The following FGGY variants were observed in gnomAD, a reference collection of about 807,000 sequenced individuals.
The protein encoded by FGGY is FGGY carbohydrate kinase domain-containing protein.
A neutral mutation model predicts 71.3 loss-of-function variants in FGGY; 72 were observed. The ratio of observed to expected loss-of-function variants is 1.01; its 90% CI spans 0.84 to 1.23. FGGY has a LOEUF of 1.23. Ranked by LOEUF, FGGY falls within the 50% of genes most tolerant of loss-of-function variation. The pLI is 0.00. For synonymous variants in FGGY, 251 were observed against 250.3 expected (o/e 1.00, Z -0.02); for missense variants, 668 against 682.3 (o/e 0.98, Z 0.23).
intron 10 of FGGY, among the ~76,000 whole-genome samples, chr1:59,634,245 A>T (rs1422546481): frequency 6.6e-6 from 1 of 152,130 alleles, no homozygotes; most frequent in Non-Finnish European, 1.5e-5. Context: ...TCTCTACTAA[A>T]AATACAAAAA....
chr1:59,516,432 ATAG>A (rs1469705787), intron 7 of FGGY, among the ~76,000 whole-genome samples: 4 of 152,344 alleles, frequency 2.6e-5, no homozygotes, highest in African/African-American at 9.6e-5. Context: ...TTGTAGCTTA[ATAG>A]TATAGGTTTG....
intron 7 of FGGY, among the ~76,000 whole-genome samples, chr1:59,518,488 G>C (rs1262396224): frequency 6.6e-6 from 1 of 152,214 alleles, no homozygotes; most frequent in East Asian, 1.9e-4. Flanking sequence ...GTTTGGATCT[G>C]TGTCCTCACC....
At chr1:59,644,743 C>T (rs1276655736) in intron 11 of FGGY, among the ~76,000 whole-genome samples, 5 of 151,944 alleles carry the variant, frequency 3.3e-5, no homozygotes, top group Non-Finnish European at 5.9e-5. Flanking sequence ...TTTGGGAGGC[C>T]GAGGCGGGTG....
At position 59,321,754 on chromosome 1, in the gene FGGY, T is replaced by C. The variant is rs1168675642; in HGVS notation, c.201+4T>C. 2 of 1,607,290 alleles carry C rather than the reference T, an allele frequency of 1.2e-6. No individual in the cohort carries two copies. The highest frequency in any genetic ancestry group is 1.7e-6 in the Non-Finnish European group (2 of 1,177,290). ...TGCGTGCTGTGTTGTCACAAAGGTA[T>C]GGGCAAAACTGGTGTTCTCTCCTTG... is the stretch of plus-strand genomic sequence containing the variant. On this transcript the variant is annotated splice_donor_region_variant and intron_variant, in intron 2 of 15. Transcript: ENST00000303721.
intron 2 of FGGY, 29 bp downstream of exon 2, chr1:59,321,779 G>C (rs1327948085): frequency 6.3e-7 from 1 of 1,591,642 alleles, no homozygotes. Context: ...TTCTCTCCTT[G>C]TTCATATTCC....
intron 7 of FGGY, 89 bp downstream of exon 7, chr1:59,512,528 C>T (rs2153631641): frequency 1.9e-5 from 26 of 1,396,418 alleles, no homozygotes; most frequent in Non-Finnish European, 2.5e-5. Flanking sequence ...GTTTTTAAAG[C>T]AAAGGTCAAG....
intron 4 of FGGY, among the ~76,000 whole-genome samples, chr1:59,370,370 GAAAC>G (rs968029037): frequency 2.0e-5 from 3 of 152,110 alleles, no homozygotes; most frequent in Non-Finnish European, 4.4e-5. Flanking sequence ...AGAATAAAAA[GAAAC>G]AAACAAAGCC....
At chr1:59,590,284 T>C (rs1175150693) in intron 8 of FGGY, among the ~76,000 whole-genome samples, 1 of 152,186 alleles carries the variant, frequency 6.6e-6, no homozygotes, top group African/African-American at 2.4e-5. Flanking sequence ...TCTGAAATTG[T>C]GGCAATAATT....
intron 5 of FGGY, among the ~76,000 whole-genome samples, chr1:59,421,014 TA>T (rs542857825): frequency 2.5e-4 from 37 of 147,724 alleles, no homozygotes; most frequent in South Asian, 8.5e-4. Flanking sequence ...ATCATTAATT[TA>T]AAAAAAAAAA....
At chr1:59,504,513 C>T (rs1163165534) in intron 6 of FGGY, among the ~76,000 whole-genome samples, 1 of 152,130 alleles carries the variant, frequency 6.6e-6, no homozygotes, top group Non-Finnish European at 1.5e-5. Context: ...ATCCAGCTGG[C>T]GTCTGCTACA....
At chr1:59,327,076 G>T (rs1177910280) in intron 2 of FGGY, among the ~76,000 whole-genome samples, 2 of 152,152 alleles carry the variant, frequency 1.3e-5, no homozygotes, top group East Asian at 1.9e-4. Flanking sequence ...TACTAATTAG[G>T]GTGGTGGTTG....
chr1:59,538,415 C>A (rs567989818), intron 7 of FGGY, among the ~76,000 whole-genome samples: 313 of 152,066 alleles, frequency 2.1e-3, no homozygotes, highest in African/African-American at 7.2e-3. Flanking sequence ...ACTAGTTGAA[C>A]CATTGTGGAA....
At position 59,431,030 on chromosome 1, in the gene FGGY, T is replaced by G. The variant is rs2067266084; in HGVS notation, c.555-25931T>G. Among the ~76,000 whole-genome samples, 3 of 152,186 alleles carry G rather than the reference T, an allele frequency of 2.0e-5. 1 individual carries two copies. The highest frequency in any genetic ancestry group is 4.8e-5 in the African/African-American group (2 of 41,436). On this transcript the variant is annotated intron_variant, in intron 5 of 15. Coordinates refer to ENST00000303721, the MANE Select transcript of FGGY (RefSeq NM_018291.5). ...GCCTTCCATATCCATTACTGTTAGC[T>G]AAGTGGGGGACAATCTATATATTGC...
At chr1:59,743,675 CTG>C in intron 14 of FGGY, among the ~76,000 whole-genome samples, 1 of 152,038 alleles carries the variant, frequency 6.6e-6, no homozygotes, top group East Asian at 1.9e-4. Context: ...ACTGGATTCC[CTG>C]TGTCTTGTAA....
chr1:59,517,137 G>C (rs1468829998), intron 7 of FGGY, among the ~76,000 whole-genome samples: 4 of 151,570 alleles, frequency 2.6e-5, no homozygotes, highest in African/African-American at 9.7e-5. Context: ...TATTTTTCTA[G>C]CTTATAAAAA....
chr1:59,593,143 A>C (rs765518314), intron 8 of FGGY, among the ~76,000 whole-genome samples: 32 of 152,198 alleles, frequency 2.1e-4, no homozygotes, highest in Non-Finnish European at 4.3e-4. Context: ...CTGTGACCAC[A>C]AGAACCGTCA....
chr1:59,562,541 T>G (rs1174598586), intron 8 of FGGY, among the ~76,000 whole-genome samples: 2 of 152,226 alleles, frequency 1.3e-5, no homozygotes, highest in Admixed American at 1.3e-4. Flanking sequence ...CAGATATCCC[T>G]GCCCAGCTTT....
intron 14 of FGGY, among the ~76,000 whole-genome samples, chr1:59,721,785 G>C (rs1294927155): frequency 6.6e-6 from 1 of 151,782 alleles, no homozygotes; most frequent in Non-Finnish European, 1.5e-5. Context: ...GGAATGCAAT[G>C]TATTTTTAAA....
At chr1:59,501,759 C>A (rs1223240508) in intron 6 of FGGY, among the ~76,000 whole-genome samples, 1 of 152,144 alleles carries the variant, frequency 6.6e-6, no homozygotes, top group Non-Finnish European at 1.5e-5. Flanking sequence ...TGCTAGAAAA[C>A]TGAATTCCAC....
Sources: allele counts gnomAD v4.1 joint callset (sites outside exome capture counted in the v4.1 genomes callset), GRCh38; gene constraint gnomAD v4.1.1; transcripts MANE v1.5; gene names NCBI Gene and HGNC (gene_info 2026-07-23, HGNC 2026-07-21).